Variants in NHSL1 observed in about 807,000 individuals in gnomAD.
NHSL1 encodes NHS-like protein 1.
NHSL1 carries 48 observed loss-of-function variants against 95.0 expected under a neutral mutation model. The ratio of observed to expected loss-of-function variants is 0.51; its 90% CI spans 0.40 to 0.64. NHSL1 has a LOEUF of 0.64. NHSL1 is among the 30% of genes least tolerant of loss of function. The probability of loss-of-function intolerance (pLI) is 0.00; values close to 1 mark genes in which losing one functional copy is unlikely to be tolerated. For synonymous variants in NHSL1, 783 were observed against 833.9 expected (o/e 0.94, Z 1.05); for missense variants, 1,971 against 2,077.7 (o/e 0.95, Z 1.00).
intron 1 of NHSL1, among the ~76,000 whole-genome samples, chr6:138,626,957 A>C (rs1476068071): frequency 6.6e-6 from 1 of 151,854 alleles, no homozygotes; most frequent in East Asian, 1.9e-4. Context: ...AATCAAGACT[A>C]AACAAAAACA....
intron 1 of NHSL1, among the ~76,000 whole-genome samples, chr6:138,505,634 C>T (rs1780919842): frequency 8.7e-6 from 1 of 114,454 alleles, no homozygotes; most frequent in South Asian, 2.8e-4. Context: ...GCCTGGGCGA[C>T]AGAGCTAGAC....
At chr6:138,640,485 CTCCTCCTCCTCA>C (rs879765783) in intron 1 of NHSL1, among the ~76,000 whole-genome samples, 26 of 152,228 alleles carry the variant, frequency 1.7e-4, no homozygotes, top group Admixed American at 5.2e-4. Flanking sequence ...AGACCAATCC[CTCCTCCTCCTCA>C]TCCTCCTCAG....
At chr6:138,473,652 G>T (rs1437372958) in intron 2 of NHSL1, among the ~76,000 whole-genome samples, 1 of 151,902 alleles carries the variant, frequency 6.6e-6, no homozygotes, top group Non-Finnish European at 1.5e-5. Context: ...ATTAATACTT[G>T]ATAAGATTGT....
At chr6:138,492,344 T>G (rs1780128347) in intron 2 of NHSL1, among the ~76,000 whole-genome samples, 1 of 152,174 alleles carries the variant, frequency 6.6e-6, no homozygotes, top group Non-Finnish European at 1.5e-5. Flanking sequence ...CTACTGCCTG[T>G]TTACTACCGT....
At chr6:138,684,955 A>ATACT (rs1785566051) in intron 1 of NHSL1, among the ~76,000 whole-genome samples, 1 of 151,638 alleles carries the variant, frequency 6.6e-6, no homozygotes, top group Non-Finnish European at 1.5e-5. Flanking sequence ...ATTTTATTTT[A>ATACT]TACTTATAAC....
chr6:138,612,839 A>G (rs556920442), intron 1 of NHSL1, among the ~76,000 whole-genome samples: 3 of 152,340 alleles, frequency 2.0e-5, no homozygotes, highest in African/African-American at 7.2e-5. Flanking sequence ...AGTTTTTTCA[A>G]AAATTAACTT....
intron 1 of NHSL1, among the ~76,000 whole-genome samples, chr6:138,595,268 AAG>A (rs1368672555): frequency 3.9e-5 from 6 of 152,192 alleles, no homozygotes; most frequent in Non-Finnish European, 7.3e-5. Context: ...TAAGAAGAGG[AAG>A]AGAGTTAAAA....
At chr6:138,503,213 T>C (rs1013211804), upstream of NHSL1, among the ~76,000 whole-genome samples, 2 of 152,202 alleles carry the variant, frequency 1.3e-5, no homozygotes, top group African/African-American at 4.8e-5. Context: ...CACCCAGCTC[T>C]TGATCCTCTT....
At chr6:138,640,434 T>C (rs1265351720) in intron 1 of NHSL1, among the ~76,000 whole-genome samples, 2 of 152,178 alleles carry the variant, frequency 1.3e-5, no homozygotes, top group South Asian at 2.1e-4. Flanking sequence ...TGGGCCCACA[T>C]ACATGCAGAT....
chr6:138,608,386 C>G (rs1185628401), intron 1 of NHSL1, among the ~76,000 whole-genome samples: 1 of 152,050 alleles, frequency 6.6e-6, no homozygotes. Context: ...TAACAGTTGG[C>G]CTTGGAAGAA....
At position 138,430,750 on chromosome 6, in the gene NHSL1, G is replaced by A. The variant is rs1479144289; in HGVS notation, c.3595C>T (p.Pro1199Ser). ...GGTGGTACCACCAGGAACAGTTTGG[G>A]CTTCTTGGAAATGGGGGGTGGCTTC... ...SRKPPPISKKPKLFLVVPPPQ... is the reference protein window; with the variant it reads ...SRKPPPISKKSKLFLVVPPPQ... The change falls in exon 6 of 8, where the codon CCC (proline) becomes TCC (serine). Residue 1199 changes from proline (P) to serine (S), a missense_variant. Around this residue, in one of 3 missense-constraint regions of NHSL1, gnomAD observed 1,602 missense variants for 1,654.5 expected, o/e 0.97. Coordinates refer to ENST00000343505, the MANE Select transcript of NHSL1 (RefSeq NM_001144060.2). This position sits in a 1 kb window ranked among gnomAD's most constrained non-coding sequence, Gnocchi z 4.7. 1.9e-6 allele frequency: 3 copies of A among 1,551,760 alleles called. No individual in the cohort carries two copies. The highest frequency in any genetic ancestry group is 2.6e-6 in the Non-Finnish European group (3 of 1,147,030).
chr6:138,534,386 G>A (rs913516432), intron 1 of NHSL1, among the ~76,000 whole-genome samples: 1 of 152,074 alleles, frequency 6.6e-6, no homozygotes, highest in African/African-American at 2.4e-5. Flanking sequence ...CCCATAGAAC[G>A]TGCAAATCCC....
chr6:138,458,828 CA>C (rs59461892), intron 3 of NHSL1, among the ~76,000 whole-genome samples: 76,871 of 123,680 alleles, frequency 0.62, 21,849 homozygotes, highest in East Asian at 0.86. Context: ...AAATCTGTCT[CA>C]AAAAAAAAAA....
chr6:138,658,676 G>A (rs2114727035), intron 1 of NHSL1, among the ~76,000 whole-genome samples: 2 of 152,226 alleles, frequency 1.3e-5, no homozygotes, highest in South Asian at 4.1e-4. Flanking sequence ...CTTTGATGTG[G>A]TGATTTTTTT....
chr6:138,537,002 C>G (rs1181406301), intron 1 of NHSL1, among the ~76,000 whole-genome samples: 1 of 152,134 alleles, frequency 6.6e-6, no homozygotes, highest in Admixed American at 6.5e-5. Flanking sequence ...TTCCTCAGTA[C>G]AGCAGTCAAC....
At chr6:138,610,947 G>A (rs1410262111) in intron 1 of NHSL1, among the ~76,000 whole-genome samples, 13 of 152,016 alleles carry the variant, frequency 8.6e-5, no homozygotes, top group African/African-American at 1.9e-4. Context: ...GTGTGTTGGC[G>A]CATGCCTGTA....
chr6:138,475,732 C>G (rs4896361), intron 2 of NHSL1, among the ~76,000 whole-genome samples: 125,010 of 151,976 alleles, frequency 0.82, 52,178 homozygotes, highest in African/African-American at 0.95. Context: ...GATCACTTGG[C>G]GCTAGGAGTT....
chr6:138,574,677 A>C (rs1403161588), upstream of NHSL1, among the ~76,000 whole-genome samples: 48 of 144,300 alleles, frequency 3.3e-4, no homozygotes, highest in African/African-American at 1.3e-3. Context: ...TAATGCAAAA[A>C]AAAAAAAAAA....
Position 138,499,350 on chromosome 6 carries a change from G to A in NHSL1, c.-60C>T. 6.5e-7 allele frequency: 1 copy of A among 1,541,078 alleles called. No individual in the cohort carries two copies. The highest frequency in any genetic ancestry group is 8.8e-7 in the Non-Finnish European group (1 of 1,141,922). Reference sequence around the variant, plus strand: ...ATCACATTAAAAGCTCAGCCCAGTAGGCAGGTGGCAAGCTTCGTCCTTCTG... The same window carrying A: ...ATCACATTAAAAGCTCAGCCCAGTAAGCAGGTGGCAAGCTTCGTCCTTCTG... On this transcript the variant is annotated 5_prime_UTR_variant, in exon 1 of 8. Coordinates refer to ENST00000343505, the MANE Select transcript of NHSL1 (RefSeq NM_001144060.2).
Sources: gnomAD v4.1 joint callset for allele counts (sites outside exome capture counted in the v4.1 genomes callset) on GRCh38, gnomAD v4.1.1 for gene constraint, gnomAD v4.1.1 regional missense constraint, Gnocchi (gnomAD v3.1) non-coding constraint, MANE v1.5 for transcripts, NCBI Gene and HGNC (gene_info 2026-07-23, HGNC 2026-07-21) for gene names.